CAPN8: variants seen among roughly 807,000 people sequenced by gnomAD.
The protein encoded by CAPN8 is calpain 8, also known as calpain-8.
Under a neutral mutation model 80.9 loss-of-function variants are expected in CAPN8, and 87 were observed. The ratio of observed to expected loss-of-function variants is 1.07; its 90% CI spans 0.90 to 1.28. The LOEUF (loss-of-function observed/expected upper bound fraction) is 1.28. Among genes scored for constraint, CAPN8 ranks in the 50% most tolerant of loss-of-function variants. The pLI is 0.00. For missense variants in CAPN8, 757 were observed against 702.0 expected, an observed-to-expected ratio of 1.08 and a Z score of -0.89; for synonymous variants, 299 against 273.8, an observed-to-expected ratio of 1.09 and a Z score of -0.91.
intron 2 of CAPN8, among the ~76,000 whole-genome samples, chr1:223,648,748 T>C (rs980397024): frequency 1.3e-5 from 2 of 151,748 alleles, no homozygotes; most frequent in African/African-American, 4.8e-5. Context: ...ACTCAATAAA[T>C]GCAACAAAAA....
At chr1:223,614,391 G>C (rs35250293) in intron 10 of CAPN8, among the ~76,000 whole-genome samples, 112,582 of 149,848 alleles carry the variant, frequency 0.75, 43,236 homozygotes, top group African/African-American at 0.92. Context: ...CATAGTGAGA[G>C]TCCGTCTCAA....
intron 16 of CAPN8, among the ~76,000 whole-genome samples, chr1:223,546,648 C>T (rs748226459): frequency 1.3e-5 from 2 of 152,166 alleles, no homozygotes; most frequent in Non-Finnish European, 2.9e-5. Context: ...TAACAATAGC[C>T]ACACAAGCTA....
chr1:223,549,633 A>G, intron 15 of CAPN8: 1 of 635,704 alleles, frequency 1.6e-6, no homozygotes, highest in Non-Finnish European at 2.9e-6. Context: ...GCTCCCCACA[A>G]GCCACAGACT....
At chr1:223,653,288 CTCTT>C (rs1453505962) in intron 2 of CAPN8, among the ~76,000 whole-genome samples, 4 of 151,592 alleles carry the variant, frequency 2.6e-5, no homozygotes, top group Admixed American at 6.6e-5. Flanking sequence ...GCTCTGTGAG[CTCTT>C]TCTAAGGTAC....
chr1:223,547,640 T>C (rs181273916), intron 16 of CAPN8, among the ~76,000 whole-genome samples: 85 of 152,316 alleles, frequency 5.6e-4, no homozygotes, highest in Non-Finnish European at 6.9e-4. Flanking sequence ...AGAGTTGTTA[T>C]TTTTTTAAGG....
At chr1:223,611,025 C>CT (rs1657017513) in intron 11 of CAPN8, among the ~76,000 whole-genome samples, 1 of 151,612 alleles carries the variant, frequency 6.6e-6, no homozygotes, top group African/African-American at 2.4e-5. Flanking sequence ...TCCTGAAGGC[C>CT]CCCCGGCACT....
At chr1:223,548,819 T>C (rs557846511) in intron 16 of CAPN8, among the ~76,000 whole-genome samples, 10 of 152,140 alleles carry the variant, frequency 6.6e-5, no homozygotes, top group Admixed American at 1.3e-4. Flanking sequence ...GGAGAACAAA[T>C]AGATTTTATC....
intron 15 of CAPN8, 199 bp from the exon 16 acceptor site, chr1:223,549,581 A>G (rs1572222309): frequency 1.3e-6 from 1 of 794,724 alleles, no homozygotes; most frequent in African/African-American, 1.7e-5. Flanking sequence ...GATAGAACAG[A>G]CAAGCACCAG....
chr1:223,639,918 C>T (rs995380050), intron 2 of CAPN8, among the ~76,000 whole-genome samples: 39 of 152,214 alleles, frequency 2.6e-4, no homozygotes, highest in African/African-American at 8.4e-4. Flanking sequence ...AGTTTTCTGC[C>T]TTCCTAAATC....
At chr1:223,549,252 G>C (rs1656716057) in intron 16 of CAPN8, 66 bp downstream of exon 16, 3 of 1,532,364 alleles carry the variant, frequency 2.0e-6, no homozygotes, top group Non-Finnish European at 2.6e-6. Flanking sequence ...ACTGGAAAAG[G>C]TGGAGGAGTC....
rs1266308885 is a variant in CAPN8 at position 223,654,418 on chromosome 1, A to G, written c.238-19T>C. 2 of 1,551,066 alleles carry G rather than the reference A, an allele frequency of 1.3e-6. No homozygotes were observed. Among genetic ancestry groups the G allele is most frequent in the Non-Finnish European group, 1.7e-6 (2 of 1,146,504 alleles). ...ACAACTCCTGAAAGTAATTTGGAAC[A>G]AAACACAAGTCACAAGGTGCTCAGT... On this transcript the variant is annotated intron_variant, in intron 1 of 20. Transcript: ENST00000366872.
rs1325649042 is a variant in CAPN8 at position 223,663,539 on chromosome 1, A to C, written c.237+1871T>G. ...CACTTTCCATCAGAGCTGAGACCAC[A>C]GCTCCTTCCTCAGCTTCTCCCTGAC... is the stretch of plus-strand genomic sequence containing the variant. On this transcript the variant is annotated intron_variant, in intron 1 of 20. Coordinates refer to ENST00000366872, the MANE Select transcript of CAPN8 (RefSeq NM_001143962.2). 5.3e-5 allele frequency among the ~76,000 whole-genome samples: 8 copies of C among 152,326 alleles called. No homozygotes were observed. The East Asian group carries it at 1.5e-3, about 29-fold the overall frequency.
In CAPN8 at chr1:223,625,803, AC is replaced by A. The variant is rs1657555500; in HGVS notation, c.813+1del. The A allele has an allele frequency of 2.6e-6, 4 of 1,548,844 alleles. No homozygotes were observed. In the East Asian group the frequency reaches 9.8e-5, roughly 38 times the overall value. ...CCTTCCCCACCTTCCACACAATTTT[AC>A]CTCTTCGACTCCAGTGACAGAGTAC... On this transcript the variant is annotated splice_donor_variant, in intron 6 of 20. Transcript: ENST00000366872. LOFTEE classifies it high-confidence loss of function.
intron 2 of CAPN8, among the ~76,000 whole-genome samples, chr1:223,633,406 A>T (rs1428790693): frequency 6.6e-6 from 1 of 152,004 alleles, no homozygotes. Context: ...AAAAAAAAAA[A>T]AAGAAATGTA....
chr1:223,631,121 A>G (rs1367027310), intron 2 of CAPN8, among the ~76,000 whole-genome samples: 1 of 152,098 alleles, frequency 6.6e-6, no homozygotes, highest in Non-Finnish European at 1.5e-5. Flanking sequence ...GATATGTACA[A>G]AACATACCCT....
intron 8 of CAPN8, 80 bp downstream of exon 8, chr1:223,620,112 C>G: frequency 1.6e-6 from 2 of 1,227,160 alleles, no homozygotes; most frequent in Non-Finnish European, 2.3e-6. Flanking sequence ...CCTGGAAGAC[C>G]CAGAGACCTA....
intron 16 of CAPN8, among the ~76,000 whole-genome samples, chr1:223,548,029 T>A (rs1003670571): frequency 6.6e-5 from 10 of 152,302 alleles, no homozygotes; most frequent in African/African-American, 2.4e-4. Flanking sequence ...CAGCCCTCCA[T>A]GGTGGATCAG....
chr1:223,543,196 G>T, intron 19 of CAPN8, 30 bp from the exon 20 acceptor site: 1 of 1,550,840 alleles, frequency 6.4e-7, no homozygotes, highest in Non-Finnish European at 8.7e-7. Flanking sequence ...AATGAAATTA[G>T]ATAAGGCTGT....
At chr1:223,543,824 G>A (rs930335120) in intron 19 of CAPN8, among the ~76,000 whole-genome samples, 2 of 152,254 alleles carry the variant, frequency 1.3e-5, no homozygotes, top group Admixed American at 6.5e-5. Context: ...CTGGATGGCA[G>A]CTTTGTTAAG....
Sources: allele counts gnomAD v4.1 joint callset (sites outside exome capture counted in the v4.1 genomes callset), GRCh38; gene constraint gnomAD v4.1.1; transcripts MANE v1.5; gene names NCBI Gene and HGNC (gene_info 2026-07-23, HGNC 2026-07-21).